Variants in MYCBPAP observed in about 807,000 individuals in gnomAD.
The protein encoded by MYCBPAP is MYCBP associated protein.
In MYCBPAP, 60 loss-of-function variants were observed where a neutral mutation model predicts 106.1. The ratio of observed to expected loss-of-function variants is 0.57; its 90% CI spans 0.46 to 0.70. The LOEUF (loss-of-function observed/expected upper bound fraction) is 0.70, where lower values mean the gene tolerates loss of function less well. MYCBPAP is among the 30% of genes least tolerant of loss of function. The probability of loss-of-function intolerance (pLI) is 0.00; values close to 1 mark genes in which losing one functional copy is unlikely to be tolerated. For missense variants in MYCBPAP, 1,064 were observed against 1,169.3 expected (o/e 0.91, Z 1.31); for synonymous variants, 407 against 440.6 (o/e 0.92, Z 0.95).
chr17:50,516,088 C>G (rs1222254415), intron 1 of MYCBPAP: 1 of 154,914 alleles, frequency 6.5e-6, no homozygotes, highest in African/African-American at 2.4e-5. Context: ...CTCCCGGGCT[C>G]AAGTGATTCT....
At chr17:50,509,178 G>A in intron 1 of MYCBPAP, 1 of 702,616 alleles carries the variant, frequency 1.4e-6, no homozygotes, top group South Asian at 1.5e-5. Flanking sequence ...CCACCTTGAT[G>A]GGATTATTTG....
intron 4 of MYCBPAP, 64 bp from the exon 5 acceptor site, chr17:50,518,477 T>C (rs2034133845): frequency 2.8e-6 from 4 of 1,413,748 alleles, no homozygotes; most frequent in Non-Finnish European, 2.8e-6. Flanking sequence ...CCTCGGGAAA[T>C]GTGTGCTCAG....
chr17:50,522,914 C>CAT, intron 10 of MYCBPAP, 25 bp from the exon 11 acceptor site: 1 of 1,599,288 alleles, frequency 6.3e-7, no homozygotes, highest in Non-Finnish European at 8.6e-7. Flanking sequence ...GCAGCAAAGA[C>CAT]ATTTCTTGTC....
intron 7 of MYCBPAP, 59 bp from the exon 8 acceptor site, chr17:50,521,051 T>G (rs2034238996): frequency 3.6e-6 from 5 of 1,370,374 alleles, no homozygotes; most frequent in Non-Finnish European, 5.1e-6. Context: ...CCTTGAGAAG[T>G]GGGTGAGCAA....
Position 50,523,137 on chromosome 17 carries a change from G to A in MYCBPAP, c.1447+9G>A. The A allele has an allele frequency of 1.2e-6, 2 of 1,611,866 alleles. No homozygotes were observed. The highest frequency in any genetic ancestry group is 1.7e-6 in the Non-Finnish European group (2 of 1,178,288). On this transcript the variant is annotated intron_variant, in intron 11 of 18. Transcript: ENST00000323776. The stretch of plus-strand genomic sequence containing the variant: ...CTTTGACAACCGGGAAGGTACTCGG[G>A]AGAAGCCACCCTATGTGCTAGCTCC...
intron 10 of MYCBPAP, 92 bp downstream of exon 10, chr17:50,522,173 C>T: frequency 9.8e-7 from 1 of 1,017,898 alleles, no homozygotes. Flanking sequence ...TGCACAGTCT[C>T]CTGTTTGGGT....
intron 1 of MYCBPAP, 38 bp downstream of exon 1, chr17:50,508,788 A>G: frequency 6.4e-7 from 1 of 1,565,200 alleles, no homozygotes; most frequent in Non-Finnish European, 8.7e-7. Flanking sequence ...GGAGAACCCG[A>G]GAGGGGAAGC....
Position 50,524,891 on chromosome 17 carries a change from C to A in MYCBPAP, c.1650C>A (p.Ala550=), listed in dbSNP as rs1251692032. 2 of 1,613,800 alleles carry A rather than the reference C, an allele frequency of 1.2e-6. No homozygotes were observed. The highest frequency in any genetic ancestry group is 1.7e-6 in the Non-Finnish European group (2 of 1,179,938). Residue 550 remains alanine (A), a synonymous_variant, in exon 13 of 19, where the codon GCC becomes GCA. Coordinates refer to ENST00000323776, the MANE Select transcript of MYCBPAP (RefSeq NM_032133.6). ...ERKVLESKLT[A]HEAVTVVREV... ...CCCTTTTGCAGAGCAAGCTGACTGC[C>A]CATGAGGCAGTCACCGTCGTTCGCG...
chr17:50,511,051 G>A (rs978868193), intron 1 of MYCBPAP, among the ~76,000 whole-genome samples: 23 of 96,526 alleles, frequency 2.4e-4, no homozygotes, highest in Non-Finnish European at 4.3e-4. Context: ...ATGCACCAGA[G>A]TGAGGAGGGA....
chr17:50,518,923 C>T, intron 5 of MYCBPAP, 51 bp from the exon 6 acceptor site: 1 of 1,556,246 alleles, frequency 6.4e-7, no homozygotes, highest in Non-Finnish European at 8.9e-7. Context: ...TGCCAAGGCC[C>T]CTGTTTGTTC....
chr17:50,523,700 A>T lies in MYCBPAP; in HGVS notation c.1551A>T (p.Leu517=). 1 of 1,614,066 alleles carries T rather than the reference A, an allele frequency of 6.2e-7. No individual in the cohort carries two copies. Among genetic ancestry groups the T allele is most frequent in the Non-Finnish European group, 8.5e-7 (1 of 1,179,996 alleles). The change falls in exon 12 of 19, where the codon CTA becomes CTT. Residue 517 remains leucine (L), a synonymous_variant. Transcript: ENST00000323776. ...EFWEFRTHPT[L]LGGAILQVNL... ...GGGAGTTTCGAACCCATCCTACTCT[A>T]TTAGGAGGTGCTATACTGCAGGTCA...
Position 50,508,601 on chromosome 17 carries a change from T to C in MYCBPAP, c.-74T>C. On this transcript the variant is annotated 5_prime_UTR_variant, in exon 1 of 19. Transcript: ENST00000323776. The stretch of plus-strand genomic sequence containing the variant: ...TGTGGACGCAGTGGCGGCCGTTGGC[T>C]GGCGGGTGCGGCGCAGCCTCGGTGT... 6.4e-7 allele frequency: 1 copy of C among 1,555,362 alleles called. No individual in the cohort carries two copies. Among genetic ancestry groups the C allele is most frequent in the Non-Finnish European group, 8.7e-7 (1 of 1,148,980 alleles).
At chr17:50,512,766 A>C (rs1385953371) in intron 1 of MYCBPAP, among the ~76,000 whole-genome samples, 1 of 152,198 alleles carries the variant, frequency 6.6e-6, no homozygotes. Flanking sequence ...CTCGAGGAGC[A>C]ATTTAACTTT....
At chr17:50,515,659 C>T (rs1198440091) in intron 1 of MYCBPAP, among the ~76,000 whole-genome samples, 1 of 152,186 alleles carries the variant, frequency 6.6e-6, no homozygotes, top group Non-Finnish European at 1.5e-5. Flanking sequence ...ATTCATAAAA[C>T]TCCCCCAAAG....
intron 18 of MYCBPAP, among the ~76,000 whole-genome samples, chr17:50,530,850 A>T (rs1193302842): frequency 6.6e-6 from 1 of 151,822 alleles, no homozygotes; most frequent in Non-Finnish European, 1.5e-5. Flanking sequence ...TAGCTCTAGT[A>T]TCTCCATATG....
rs1440643045 is a variant in MYCBPAP, at chr17:50,508,505, AAGG to A, written c.-166_-164del. ...CGGGCGCGTGCGCGGCCCGATGAAG[AAGG>A]AGGTTTCCAAGCCGTCTCCGCCCAA... On this transcript the variant is annotated 5_prime_UTR_variant, in exon 1 of 19. Coordinates refer to ENST00000323776, the MANE Select transcript of MYCBPAP (RefSeq NM_032133.6). The A allele has an allele frequency of 3.9e-6, 6 of 1,522,762 alleles. No individual in the cohort carries two copies. The highest frequency in any genetic ancestry group is 2.5e-5 in the East Asian group (1 of 39,786). The allele number at this position is 1,522,762 out of a possible 1,614,324, so 94.3% of individuals were successfully genotyped here.
At position 50,517,642 on chromosome 17, in the gene MYCBPAP, A is replaced by C. The variant is rs1388637977; in HGVS notation, c.412A>C (p.Ile138Leu). 1.9e-6 allele frequency: 3 copies of C among 1,613,928 alleles called. No homozygotes were observed. The highest frequency in any genetic ancestry group is 1.1e-5 in the South Asian group (1 of 91,078). Residue 138 changes from isoleucine (I) to leucine (L), a missense_variant, in exon 4 of 19, where the codon ATC becomes CTC. Physicochemically the swap from Ile to Leu is conservative, Grantham distance 5. Transcript: ENST00000323776. ...DGSDQILPHH[I>L]LGSLQDFKRI... is the part of the protein sequence containing the mutation. ...CAGTGACCAGATCCTGCCCCACCAC[A>C]TCTTGGGGAGTCTCCAGGATTTTAA...
At position 50,527,244 on chromosome 17, in the gene MYCBPAP, G is replaced by A. The variant is rs555619389; in HGVS notation, c.2170-43G>A. ...ACCATGCCCTTCACTAGAGGACACA[G>A]CCTTGGTGTCCTGGTGCAGAATGGT... On this transcript the variant is annotated intron_variant, in intron 14 of 18. Transcript: ENST00000323776. 2.0e-5 allele frequency: 32 copies of A among 1,611,612 alleles called. 1 individual carries two copies. In the South Asian group the frequency reaches 3.4e-4, roughly 17 times the overall value.
chr17:50,508,536 T>G lies in MYCBPAP; in HGVS notation c.-139T>G. 1.3e-6 allele frequency: 2 copies of G among 1,538,462 alleles called. No homozygotes were observed. Among genetic ancestry groups the G allele is most frequent in the Non-Finnish European group, 1.7e-6 (2 of 1,143,804 alleles). On this transcript the variant is annotated 5_prime_UTR_variant, in exon 1 of 19. Transcript: ENST00000323776. ...GTTTCCAAGCCGTCTCCGCCCAAGT[T>G]GATCGGTGGATGCGCGCCCCCGCGC...
Sources: gnomAD v4.1 joint callset for allele counts (sites outside exome capture counted in the v4.1 genomes callset) on GRCh38, gnomAD v4.1.1 for gene constraint, MANE v1.5 for transcripts, NCBI Gene and HGNC (gene_info 2026-07-23, HGNC 2026-07-21) for gene names.